Variants in ZNF267 observed in about 807,000 individuals in gnomAD.
ZNF267 encodes the protein zinc finger protein 267, also known as zinc finger (C2H2).
ZNF267 carries 61 observed loss-of-function variants against 71.6 expected under a neutral mutation model. That is an observed-to-expected ratio of 0.85 (90% confidence interval 0.69 to 1.05). The LOEUF is 1.05. ZNF267 is among the 50% of genes least tolerant of loss of function. The pLI is 0.00. For synonymous variants in ZNF267, 288 were observed against 293.2 expected (o/e 0.98, Z 0.18); for missense variants, 852 against 870.0 (o/e 0.98, Z 0.26).
intron 3 of ZNF267, among the ~76,000 whole-genome samples, chr16:31,903,659 C>A (rs2142353156): frequency 6.6e-6 from 1 of 152,210 alleles, no homozygotes; most frequent in South Asian, 2.1e-4. Context: ...TTTATTGCAT[C>A]TATTTGATTC....
chr16:31,915,296 C>CTA lies in ZNF267; in HGVS notation c.1048_1049insAT (p.Cys350TyrfsTer416), dbSNP rs1326716922. Reference sequence around the variant, plus strand: ...AGATCATTCCTACCGAAGAGAAACCCTGTAAATGGAAAGAATGTGGCAAGG... The same window carrying CTA: ...AGATCATTCCTACCGAAGAGAAACCCTATGTAAATGGAAAGAATGTGGCAAGG... On this transcript the variant is annotated frameshift_variant, in exon 4 of 4. Transcript: ENST00000300870. LOFTEE classifies it high-confidence loss of function. The CTA allele has an allele frequency of 8.1e-6, 13 of 1,613,652 alleles. No homozygotes were observed. Among genetic ancestry groups the CTA allele is most frequent in the Non-Finnish European group, 1.1e-5 (13 of 1,179,818 alleles).
rs1203175141 is a variant in ZNF267, at chr16:31,914,863, G to A, written c.614G>A (p.Ser205Asn). The A allele has an allele frequency of 6.2e-7, 1 of 1,611,320 alleles. No individual in the cohort carries two copies. The highest frequency in any genetic ancestry group is 8.5e-7 in the Non-Finnish European group (1 of 1,179,284). ...TTTAGGCAGGTCTCTACTCTAAATA[G>A]TTACCGAAATGTTTTTATTGGAGAG... Reference protein sequence around the residue: ...VLFRQVSTLNSYRNVFIGEKN... With the variant: ...VLFRQVSTLNNYRNVFIGEKN... Residue 205 changes from serine (S) to asparagine (N), a missense_variant, in exon 4 of 4, where the codon AGT becomes AAT. By Grantham distance (46) the Ser-to-Asn change is conservative. Coordinates refer to ENST00000300870, the MANE Select transcript of ZNF267 (RefSeq NM_003414.6).
At chr16:31,906,620 A>G (rs185505763) in intron 3 of ZNF267, among the ~76,000 whole-genome samples, 2 of 152,244 alleles carry the variant, frequency 1.3e-5, no homozygotes, top group East Asian at 3.9e-4. Flanking sequence ...TGTTAAGCCT[A>G]TTGGAAAAGC....
chr16:31,900,757 CTT>C (rs35863544), intron 3 of ZNF267, among the ~76,000 whole-genome samples: 2 of 129,724 alleles, frequency 1.5e-5, no homozygotes, highest in Non-Finnish European at 1.6e-5. Flanking sequence ...AGAATTCTTT[CTT>C]TTTTTTTTTT....
intron 1 of ZNF267, among the ~76,000 whole-genome samples, chr16:31,878,439 G>A (rs924137282): frequency 4.6e-5 from 7 of 152,104 alleles, no homozygotes; most frequent in African/African-American, 1.7e-4. Flanking sequence ...CCAGGAGAAG[G>A]CTTGACTGTC....
chr16:31,890,849 T>C (rs1263492089), intron 3 of ZNF267, among the ~76,000 whole-genome samples: 1 of 152,254 alleles, frequency 6.6e-6, no homozygotes, highest in Non-Finnish European at 1.5e-5. Flanking sequence ...AGATCCCACC[T>C]CTTAATTCCA....
intron 2 of ZNF267, among the ~76,000 whole-genome samples, 168 bp downstream of exon 2, chr16:31,884,792 A>G (rs575980794): frequency 3.6e-4 from 55 of 152,298 alleles, no homozygotes; most frequent in African/African-American, 1.3e-3. Context: ...TTTGATTTTG[A>G]CATTCGCCTT....
At chr16:31,891,893 T>C (rs1292982605) in intron 3 of ZNF267, among the ~76,000 whole-genome samples, 1 of 152,214 alleles carries the variant, frequency 6.6e-6, no homozygotes, top group Non-Finnish European at 1.5e-5. Context: ...GAAGCAACTT[T>C]GGAACTGGGT....
At position 31,876,369 on chromosome 16, in the gene ZNF267, A is replaced by T. The variant is rs551433125; in HGVS notation, c.3+2400A>T. Reference sequence around the variant, plus strand: ...ATGGGACTTACAGGGGTGCTGCGCCATGGCTGGCTATTTTGTTTTTTCTTT... The same window carrying T: ...ATGGGACTTACAGGGGTGCTGCGCCTTGGCTGGCTATTTTGTTTTTTCTTT... On this transcript the variant is annotated intron_variant, in intron 1 of 3. Coordinates refer to ENST00000300870, the MANE Select transcript of ZNF267 (RefSeq NM_003414.6). Among the ~76,000 whole-genome samples, 103 of 151,886 alleles carry T rather than the reference A, an allele frequency of 6.8e-4. No homozygotes were observed. In the South Asian group the frequency reaches 0.013, roughly 19 times the overall value.
rs757799273 is a variant in ZNF267, at chr16:31,885,259, A to T, written c.226+3A>T. 7 of 1,605,074 alleles carry T rather than the reference A, an allele frequency of 4.4e-6. No individual in the cohort carries two copies. In the Admixed American group the frequency reaches 6.7e-5, roughly 15 times the overall value. On this transcript the variant is annotated splice_donor_region_variant and intron_variant, in intron 3 of 3. Transcript: ENST00000300870. ...GGAGACAGTAGCCATCCAGCCAGGT[A>T]GGTGGGAGCGAATGAAGTAGATGAC...
Position 31,884,621 on chromosome 16 carries a change from C to G in ZNF267, c.127C>G (p.Leu43Val), listed in dbSNP as rs781744979. 1.8e-5 allele frequency: 29 copies of G among 1,612,088 alleles called. 1 individual carries two copies. The South Asian group carries it at 3.1e-4, about 17-fold the overall frequency. ...MLENYRNLVS[L>V]GLVVSKPDLI... is the part of the protein sequence containing the mutation. ...AGAAAACTACAGAAACCTGGTCTCT[C>G]TGGGTGAGGATAACTTGCCTTCGGA... The change falls in exon 2 of 4, where the codon CTG becomes GTG. Residue 43 changes from leucine (L) to valine (V), a missense_variant. Physicochemically the swap from Leu to Val is conservative, Grantham distance 32 (BLOSUM62 1). Transcript: ENST00000300870.
chr16:31,887,513 G>A (rs566414239), intron 3 of ZNF267, among the ~76,000 whole-genome samples: 1 of 152,204 alleles, frequency 6.6e-6, no homozygotes, highest in Non-Finnish European at 1.5e-5. Flanking sequence ...TGTTCTAGAA[G>A]TTATACAGTT....
intron 3 of ZNF267, among the ~76,000 whole-genome samples, chr16:31,901,701 G>T (rs560751538): frequency 6.6e-5 from 10 of 152,118 alleles, no homozygotes; most frequent in Non-Finnish European, 1.3e-4. Flanking sequence ...TTAGCCCTTT[G>T]TCAGATGAGT....
chr16:31,890,406 C>T (rs188020935), intron 3 of ZNF267, among the ~76,000 whole-genome samples: 1 of 152,274 alleles, frequency 6.6e-6, no homozygotes, highest in African/African-American at 2.4e-5. Flanking sequence ...TCTGTTTTGT[C>T]TAATATAACC....
intron 1 of ZNF267, among the ~76,000 whole-genome samples, chr16:31,877,724 T>A (rs1443782758): frequency 6.6e-6 from 1 of 152,186 alleles, no homozygotes; most frequent in Non-Finnish European, 1.5e-5. Context: ...TAGGGTTGTT[T>A]TTTGCAGTAG....
chr16:31,876,230 G>GT (rs1485355148), intron 1 of ZNF267, among the ~76,000 whole-genome samples: 1 of 151,772 alleles, frequency 6.6e-6, no homozygotes, highest in Admixed American at 6.6e-5. Context: ...TTTATTTTTT[G>GT]TTTTTGGAGA....
intron 3 of ZNF267, among the ~76,000 whole-genome samples, chr16:31,886,731 C>T (rs1322563662): frequency 1.3e-5 from 2 of 152,102 alleles, no homozygotes; most frequent in Non-Finnish European, 2.9e-5. Flanking sequence ...ATAATGTCTA[C>T]CTTGTTTATT....
chr16:31,916,154 A>G lies in ZNF267; in HGVS notation c.1905A>G (p.Glu635=). Residue 635 remains glutamate, a synonymous_variant, in exon 4 of 4, where the codon GAA becomes GAG. Transcript: ENST00000300870. Reference sequence around the variant, plus strand: ...CTGGCCAGAGACCCTACAAATGTGAAGAATGTGGCAAAGCCTTCAACTATA... The same window carrying G: ...CTGGCCAGAGACCCTACAAATGTGAGGAATGTGGCAAAGCCTTCAACTATA... The part of the protein sequence containing the change: ...IHTGQRPYKC[E]ECGKAFNYRS... 3 of 1,614,146 alleles carry G rather than the reference A, an allele frequency of 1.9e-6. No homozygotes were observed. Among genetic ancestry groups the G allele is most frequent in the Non-Finnish European group, 1.7e-6 (2 of 1,180,006 alleles).
chr16:31,890,135 TGGTGTTATACA>T (rs1189885190), intron 3 of ZNF267: 1 of 152,220 alleles, frequency 6.6e-6, no homozygotes, highest in Non-Finnish European at 1.5e-5. Flanking sequence ...ATTTAGTTTA[TGGTGTTATACA>T]GGTGAACTCT....
Sources: allele counts gnomAD v4.1 joint callset (sites outside exome capture counted in the v4.1 genomes callset), GRCh38; gene constraint gnomAD v4.1.1; transcripts MANE v1.5; gene names NCBI Gene and HGNC (gene_info 2026-07-23, HGNC 2026-07-21).